Variants in RBPMS observed in about 807,000 individuals in gnomAD.
RBPMS encodes RNA-binding protein with multiple splicing.
RBPMS carries 7 observed loss-of-function variants against 26.8 expected under a neutral mutation model. The observed-to-expected ratio is 0.26, with a 90% CI of 0.15 to 0.49. RBPMS has a LOEUF of 0.49. RBPMS is among the 20% of genes least tolerant of loss of function. The pLI, the probability that RBPMS is intolerant of heterozygous loss-of-function variation, is 0.98. For synonymous variants in RBPMS, 96 were observed against 93.3 expected (o/e 1.03, Z -0.17); for missense variants, 186 against 250.0 (o/e 0.74, Z 1.73).
intron 1 of RBPMS, among the ~76,000 whole-genome samples, chr8:30,429,379 T>C (rs1248649435): frequency 6.6e-6 from 1 of 152,188 alleles, no homozygotes; most frequent in Non-Finnish European, 1.5e-5. Context: ...ATTTCCTTTG[T>C]GCATTTTAAA....
chr8:30,425,701 G>A (rs935690402), intron 1 of RBPMS, among the ~76,000 whole-genome samples: 3 of 151,902 alleles, frequency 2.0e-5, no homozygotes, highest in Non-Finnish European at 4.4e-5. Context: ...AGCCCGGCCC[G>A]GTGGCTTTTT....
chr8:30,510,093 T>C (rs1821429699), intron 5 of RBPMS, among the ~76,000 whole-genome samples: 1 of 152,186 alleles, frequency 6.6e-6, no homozygotes, highest in African/African-American at 2.4e-5. Context: ...CCGAAAATAA[T>C]ACCTGGGCTC....
At position 30,504,500 on chromosome 8, in the gene RBPMS, G is replaced by GA. The variant is rs576972423; in HGVS notation, c.397+65dup. On this transcript the variant is annotated intron_variant, in intron 5 of 8. Transcript: ENST00000397323. Reference sequence around the variant, plus strand: ...TAAGAACTGTTCATGTGCTGCATGTGAGGTTACACCATGGGACATGGAGCT... The same window carrying GA: ...TAAGAACTGTTCATGTGCTGCATGTGAAGGTTACACCATGGGACATGGAGCT... The GA allele has an allele frequency of 1.7e-4, 262 of 1,518,154 alleles. 1 individual carries two copies. In the African/African-American group the frequency reaches 3.4e-3, roughly 19 times the overall value. The allele number at this position is 1,518,154 out of a possible 1,614,324, so 94.0% of individuals were successfully genotyped here.
chr8:30,555,711 T>G (rs529366417), intron 6 of RBPMS, among the ~76,000 whole-genome samples: 2 of 152,338 alleles, frequency 1.3e-5, no homozygotes, highest in South Asian at 2.1e-4. Context: ...CTGAACTGTT[T>G]GGAGAGGACC....
chr8:30,410,342 G>A (rs1809211630), intron 1 of RBPMS, among the ~76,000 whole-genome samples: 2 of 152,050 alleles, frequency 1.3e-5, no homozygotes, highest in Admixed American at 1.3e-4. Flanking sequence ...CCAAGTAGCT[G>A]GGACTACAGG....
At chr8:30,499,833 C>T (rs1216875138) in intron 4 of RBPMS, among the ~76,000 whole-genome samples, 1 of 151,512 alleles carries the variant, frequency 6.6e-6, no homozygotes, top group African/African-American at 2.4e-5. Flanking sequence ...AAAAGAATAG[C>T]ATGCTTGCTA....
chr8:30,556,320 C>G (rs1179170669), intron 6 of RBPMS: 1 of 985,602 alleles, frequency 1.0e-6, no homozygotes, highest in African/African-American at 1.7e-5. Flanking sequence ...CTCGACCAGG[C>G]TGACGAGAGC....
intron 1 of RBPMS, among the ~76,000 whole-genome samples, chr8:30,390,800 C>T (rs542197387): frequency 1.2e-4 from 19 of 152,278 alleles, no homozygotes; most frequent in Middle Eastern, 3.4e-3. Flanking sequence ...TCCCAATGTT[C>T]AACACCTACC....
rs557952970 is a variant in RBPMS at position 30,540,808 on chromosome 8, T to C, written c.398-3686T>C. Among the ~76,000 whole-genome samples the C allele has an allele frequency of 2.6e-5, 4 of 152,222 alleles. No homozygotes were observed. The South Asian group carries it at 8.3e-4, about 32-fold the overall frequency. ...TTAGGAGGCCTTTTCAGTAATCCAG[T>C]AGTGTTGGTGAAGATCAAACTGGAT... On this transcript the variant is annotated intron_variant, in intron 5 of 8. Coordinates refer to ENST00000397323, the MANE Select transcript of RBPMS (RefSeq NM_001008710.3).
At chr8:30,550,455 A>G (rs887473197) in intron 6 of RBPMS, among the ~76,000 whole-genome samples, 13 of 152,286 alleles carry the variant, frequency 8.5e-5, no homozygotes, top group African/African-American at 2.4e-4. Context: ...GGATCTTTTA[A>G]GGGGCACTTG....
At chr8:30,529,829 C>A (rs1313078539) in intron 5 of RBPMS, among the ~76,000 whole-genome samples, 3 of 151,672 alleles carry the variant, frequency 2.0e-5, no homozygotes, top group Non-Finnish European at 4.4e-5. Flanking sequence ...TCTCGGCTCA[C>A]CGCATCCTTT....
chr8:30,549,742 C>CTTTCTTTCTTTCCT (rs1554543781), intron 6 of RBPMS, among the ~76,000 whole-genome samples: 51 of 143,956 alleles, frequency 3.5e-4, no homozygotes, highest in African/African-American at 1.3e-3. Flanking sequence ...TTCTTTCTTT[C>CTTTCTTTCTTTCCT]TTTCTTTCCT....
intron 1 of RBPMS, among the ~76,000 whole-genome samples, chr8:30,436,556 A>C (rs1413828630): frequency 6.6e-6 from 1 of 152,108 alleles, no homozygotes; most frequent in East Asian, 1.9e-4. Context: ...CGTCAGTTGG[A>C]ATCTTGTGCT....
chr8:30,426,924 T>G (rs1389194543), intron 1 of RBPMS, among the ~76,000 whole-genome samples: 2 of 152,176 alleles, frequency 1.3e-5, no homozygotes, highest in African/African-American at 4.8e-5. Context: ...TATATGGCAA[T>G]TCAACATCAG....
intron 4 of RBPMS, among the ~76,000 whole-genome samples, chr8:30,484,928 ATTAAT>A (rs1380776379): frequency 6.6e-6 from 1 of 152,218 alleles, no homozygotes; most frequent in Non-Finnish European, 1.5e-5. Flanking sequence ...ATTAGATATA[ATTAAT>A]TCATTAGTTC....
At chr8:30,388,488 CTAACTTA>C (rs1332591837) in intron 1 of RBPMS, among the ~76,000 whole-genome samples, 77 of 80,300 alleles carry the variant, frequency 9.6e-4, no homozygotes, top group South Asian at 5.9e-3. Context: ...TAGCTATAAG[CTAACTTA>C]TAACTTATAG....
chr8:30,529,379 G>A (rs903222039), intron 5 of RBPMS, among the ~76,000 whole-genome samples: 2 of 151,966 alleles, frequency 1.3e-5, no homozygotes, highest in Non-Finnish European at 1.5e-5. Context: ...CTGCATGCCT[G>A]TAATCCCAGC....
At chr8:30,390,153 G>GT (rs1171147609) in intron 1 of RBPMS, among the ~76,000 whole-genome samples, 3 of 152,278 alleles carry the variant, frequency 2.0e-5, no homozygotes, top group East Asian at 1.9e-4. Flanking sequence ...GCCTTTCGGT[G>GT]TTTAAGTTTT....
intron 1 of RBPMS, among the ~76,000 whole-genome samples, chr8:30,450,413 A>G (rs576341687): frequency 6.6e-6 from 1 of 152,202 alleles, no homozygotes; most frequent in Non-Finnish European, 1.5e-5. Context: ...GTTTCAGCCC[A>G]GTATCTGTTT....
Sources: gnomAD v4.1 joint callset for allele counts (sites outside exome capture counted in the v4.1 genomes callset) on GRCh38, gnomAD v4.1.1 for gene constraint, MANE v1.5 for transcripts, NCBI Gene and HGNC (gene_info 2026-07-23, HGNC 2026-07-21) for gene names.